The following KLB variants were observed in gnomAD, a reference collection of about 807,000 sequenced individuals.
KLB encodes the protein beta-klotho.
In KLB, 44 loss-of-function variants were observed where a neutral mutation model predicts 88.4. That is an observed-to-expected ratio of 0.50 (90% CI 0.39 to 0.64). The LOEUF is 0.64. Among genes scored for constraint, KLB ranks in the 30% least tolerant of loss-of-function variants. The pLI is 0.00. For synonymous variants in KLB, 548 were observed against 513.4 expected (o/e 1.07, Z -0.91); for missense variants, 1,137 against 1,304.8 (o/e 0.87, Z 1.98).
chr4:39,438,108 T>C, intron 3 of KLB, 113 bp downstream of exon 3: 1 of 952,696 alleles, frequency 1.0e-6, no homozygotes, highest in Non-Finnish European at 1.5e-6. Context: ...ACCACAATTG[T>C]ATGGAGGTTA....
rs1466633137 is a variant in KLB at position 39,447,317 on chromosome 4, T to C, written c.2591T>C (p.Val864Ala). ...CTGAGCTCCCCCACGCGCCTGGCTG[T>C]GATTCCCTGGGGGGTGCGCAAGCTG... ...TRLSSPTRLA[V>A]IPWGVRKLLR... is the part of the protein sequence containing the mutation. The change falls in exon 4 of 5, where the codon GTG becomes GCG. Residue 864 changes from valine to alanine, a missense_variant. Coordinates refer to ENST00000257408, the MANE Select transcript of KLB (RefSeq NM_175737.4). 6.2e-7 allele frequency: 1 copy of C among 1,613,970 alleles called. No individual in the cohort carries two copies. The highest frequency in any genetic ancestry group is 8.5e-7 in the Non-Finnish European group (1 of 1,180,004).
chr4:39,445,494 C>A (rs1743716758), intron 3 of KLB, among the ~76,000 whole-genome samples: 1 of 134,792 alleles, frequency 7.4e-6, no homozygotes, highest in Admixed American at 8.0e-5. Flanking sequence ...ATCACTTGAA[C>A]TTTTCTTTTC....
chr4:39,435,226 T>G (rs1743447877), intron 2 of KLB, among the ~76,000 whole-genome samples: 1 of 152,030 alleles, frequency 6.6e-6, no homozygotes, highest in African/African-American at 2.4e-5. Context: ...CAAGCAATTC[T>G]CCTGCTTCAG....
chr4:39,441,002 C>G (rs979359589), intron 3 of KLB, among the ~76,000 whole-genome samples: 3 of 152,056 alleles, frequency 2.0e-5, no homozygotes, highest in African/African-American at 7.2e-5. Flanking sequence ...ATTACAGGTG[C>G]CTGTCACCAT....
intron 1 of KLB, chr4:39,411,934 GA>G (rs1742861172): frequency 1.3e-5 from 2 of 151,358 alleles, no homozygotes; most frequent in Non-Finnish European, 3.0e-5. Flanking sequence ...TGGGTATACT[GA>G]GCTTATGTAT....
intron 2 of KLB, among the ~76,000 whole-genome samples, chr4:39,436,325 A>G (rs1158238634): frequency 1.3e-5 from 2 of 152,214 alleles, no homozygotes; most frequent in Non-Finnish European, 1.5e-5. Flanking sequence ...AGGAAGGAAC[A>G]GCATGGAACC....
chr4:39,444,874 A>G (rs1743700372), intron 3 of KLB, among the ~76,000 whole-genome samples: 1 of 152,230 alleles, frequency 6.6e-6, no homozygotes, highest in Non-Finnish European at 1.5e-5. Flanking sequence ...GGGCAGTGAT[A>G]TGGTTTTGTA....
intron 2 of KLB, among the ~76,000 whole-genome samples, chr4:39,436,713 GT>G (rs200027049): frequency 1.3e-5 from 2 of 150,388 alleles, no homozygotes; most frequent in Non-Finnish European, 3.0e-5. Context: ...TCTCTTTTTT[GT>G]TTTTTTTTCC....
chr4:39,419,486 A>G lies in KLB; in HGVS notation c.825+11712A>G, dbSNP rs373068729. Among the ~76,000 whole-genome samples the G allele has an allele frequency of 1.4e-4, 21 of 152,264 alleles. No individual in the cohort carries two copies. The East Asian group carries it at 3.3e-3, about 24-fold the overall frequency. On this transcript the variant is annotated intron_variant, in intron 1 of 4. Coordinates refer to ENST00000257408, the MANE Select transcript of KLB (RefSeq NM_175737.4). ...CAAACTCAACATTCGAAAACAGCCT[A>G]TTTTTGGCCGAGCACGGTGGCTCAC...
chr4:39,446,375 T>C lies in KLB; in HGVS notation c.1649T>C (p.Leu550Pro), dbSNP rs746787281. 6.2e-7 allele frequency: 1 copy of C among 1,614,226 alleles called. No individual in the cohort carries two copies. Among genetic ancestry groups the C allele is most frequent in the South Asian group, 1.1e-5 (1 of 91,084 alleles). The change falls in exon 4 of 5, where the codon CTG becomes CCG. Residue 550 changes from leucine (L) to proline (P), a missense_variant. Leu to Pro is a moderately conservative substitution (Grantham distance 98). This residue lies in a region of KLB where 597 missense variants were observed against 765.2 expected (regional missense o/e 0.78). Coordinates refer to ENST00000257408, the MANE Select transcript of KLB (RefSeq NM_175737.4). The surrounding 1 kb of genome is among the most constrained non-coding windows in gnomAD (Gnocchi z 6.4). Reference protein sequence around the residue: ...ASSPQFSDPHLYVWNATGNRL... With the variant: ...ASSPQFSDPHPYVWNATGNRL... ...TCCCCACAGTTCAGCGATCCTCATCTGTACGTGTGGAACGCCACTGGCAAC... is the reference window on the plus strand; with the variant it reads ...TCCCCACAGTTCAGCGATCCTCATCCGTACGTGTGGAACGCCACTGGCAAC...
chr4:39,444,904 C>T (rs535915883), intron 3 of KLB, among the ~76,000 whole-genome samples: 11 of 152,198 alleles, frequency 7.2e-5, no homozygotes, highest in African/African-American at 2.6e-4. Flanking sequence ...TGAAAGATGA[C>T]ACACGAAAAA....
rs563775606 is a variant in KLB at position 39,418,908 on chromosome 4, G to A, written c.825+11134G>A. Among the ~76,000 whole-genome samples the A allele has an allele frequency of 2.4e-4, 35 of 146,482 alleles. 2 individuals carry two copies. In the South Asian group the frequency reaches 6.4e-3, roughly 27 times the overall value. On this transcript the variant is annotated intron_variant, in intron 1 of 4. Coordinates refer to ENST00000257408, the MANE Select transcript of KLB (RefSeq NM_175737.4). ...GGTTGCAGTCAACTGAGATCGCACC[G>A]CTGCACTCCAGCTTGGATGTCAAAG...
rs370551374 is a variant in KLB at position 39,407,570 on chromosome 4, G to C, written c.621G>C (p.Gly207=). 2 of 1,614,056 alleles carry C rather than the reference G, an allele frequency of 1.2e-6. No homozygotes were observed. The highest frequency in any genetic ancestry group is 1.7e-6 in the Non-Finnish European group (2 of 1,179,946). Residue 207 remains glycine (G), a synonymous_variant, in exon 1 of 5, where the codon GGG becomes GGC. Coordinates refer to ENST00000257408, the MANE Select transcript of KLB (RefSeq NM_175737.4). The part of the protein sequence containing the change: ...DLPLALQEKY[G]GWKNDTIIDI... ...CTTTGGCACTACAAGAAAAATATGG[G>C]GGGTGGAAAAATGATACCATAATAG...
Position 39,446,921 on chromosome 4 carries a change from C to G in KLB, c.2195C>G (p.Pro732Arg). The G allele has an allele frequency of 3.7e-6, 6 of 1,605,222 alleles. No homozygotes were observed. Among genetic ancestry groups the G allele is most frequent in the Non-Finnish European group, 5.1e-6 (6 of 1,178,872 alleles). ...AWRLYDRQFR[P>R]SQRGAVSLSL... Reference sequence around the variant, plus strand: ...CGCCTCTACGACCGGCAGTTCAGGCCCTCACAGCGCGGGGCCGTGTCGCTG... The same window carrying G: ...CGCCTCTACGACCGGCAGTTCAGGCGCTCACAGCGCGGGGCCGTGTCGCTG... Residue 732 changes from proline (P) to arginine (R), a missense_variant, in exon 4 of 5, where the codon CCC becomes CGC. Pro to Arg is a moderately radical substitution (Grantham distance 103). Transcript: ENST00000257408. This position sits in a 1 kb window ranked among gnomAD's most constrained non-coding sequence, Gnocchi z 6.4.
chr4:39,448,707 GA>G lies in KLB; in HGVS notation c.*22del. 6.3e-7 allele frequency: 1 copy of G among 1,586,792 alleles called. No homozygotes were observed. The highest frequency in any genetic ancestry group is 8.5e-7 in the Non-Finnish European group (1 of 1,171,278). On this transcript the variant is annotated 3_prime_UTR_variant, in exon 5 of 5. Transcript: ENST00000257408. ...GCTAAACTGATCTGTCTGCATGATA[GA>G]CAGTTTAAAAATTCATCCCAGTTCC... is the stretch of plus-strand genomic sequence containing the variant.
chr4:39,446,981 C>T lies in KLB; in HGVS notation c.2255C>T (p.Pro752Leu). The change falls in exon 4 of 5, where the codon CCC becomes CTC. Residue 752 changes from proline (P) to leucine (L), a missense_variant. Coordinates refer to ENST00000257408, the MANE Select transcript of KLB (RefSeq NM_175737.4). This position sits in a 1 kb window ranked among gnomAD's most constrained non-coding sequence, Gnocchi z 6.4. ...GCGGACTGGGCGGAACCCGCCAACC[C>T]CTATGCTGACTCGCACTGGAGGGCG... ...LHADWAEPAN[P>L]YADSHWRAAE... 1 of 1,608,914 alleles carries T rather than the reference C, an allele frequency of 6.2e-7. No homozygotes were observed.
At chr4:39,415,895 C>T (rs189524331) in intron 1 of KLB, among the ~76,000 whole-genome samples, 2 of 152,214 alleles carry the variant, frequency 1.3e-5, no homozygotes, top group East Asian at 3.9e-4. Context: ...TTTCCTGAGC[C>T]TAGGATAAAA....
At chr4:39,411,667 G>A (rs1742852952) in intron 1 of KLB, among the ~76,000 whole-genome samples, 1 of 151,676 alleles carries the variant, frequency 6.6e-6, no homozygotes, top group African/African-American at 2.4e-5. Context: ...TTACAGGTGT[G>A]AGCCACTGCT....
intron 1 of KLB, among the ~76,000 whole-genome samples, chr4:39,410,614 C>A (rs149149623): frequency 6.6e-6 from 1 of 152,264 alleles, no homozygotes; most frequent in Non-Finnish European, 1.5e-5. Flanking sequence ...TTGACTTTCA[C>A]GTAGAAAACA....
Sources: allele counts gnomAD v4.1 joint callset (sites outside exome capture counted in the v4.1 genomes callset), GRCh38; gene constraint gnomAD v4.1.1; regional missense constraint gnomAD v4.1.1; non-coding constraint Gnocchi (gnomAD v3.1); transcripts MANE v1.5; gene names NCBI Gene and HGNC (gene_info 2026-07-23, HGNC 2026-07-21).